Variants in TP53TG5 observed in about 807,000 individuals in gnomAD.
TP53TG5 encodes the protein TP53-target gene 5 protein.
A neutral mutation model predicts 30.0 loss-of-function variants in TP53TG5; 17 were observed. The ratio of observed to expected loss-of-function variants is 0.57; its 90% CI spans 0.39 to 0.85. TP53TG5 has a LOEUF of 0.85. TP53TG5 is among the 40% of genes least tolerant of loss of function. The probability of loss-of-function intolerance (pLI) is 0.00; values close to 1 mark genes in which losing one functional copy is unlikely to be tolerated. For missense variants in TP53TG5, 338 were observed against 367.9 expected, an observed-to-expected ratio of 0.92 and a Z score of 0.67; for synonymous variants, 137 against 139.2, an observed-to-expected ratio of 0.98 and a Z score of 0.11.
chr20:45,376,686 CCAAT>C (rs1263657100), intron 3 of TP53TG5: 2 of 151,296 alleles, frequency 1.3e-5, no homozygotes, highest in Non-Finnish European at 2.9e-5. Context: ...TTAGCAGGCA[CCAAT>C]CAATGTTAGC....
At chr20:45,374,910 G>C in intron 4 of TP53TG5, 129 bp downstream of exon 4, 1 of 1,300,550 alleles carries the variant, frequency 7.7e-7, no homozygotes, top group Admixed American at 2.3e-5. Context: ...TGAAGGCGGA[G>C]CCTCCCAGCA....
intron 4 of TP53TG5, 189 bp from the exon 5 acceptor site, chr20:45,374,200 A>G (rs1323604087): frequency 4.5e-6 from 3 of 673,314 alleles, no homozygotes; most frequent in Non-Finnish European, 8.0e-6. Context: ...TGGGACTTTC[A>G]TTCTCCCACG....
Position 45,373,564 on chromosome 20 carries a change from A to C in TP53TG5, c.*343T>G. On this transcript the variant is annotated 3_prime_UTR_variant, in exon 5 of 5. Transcript: ENST00000372726. ...GGAGCCCTTGCTCCTGCCACTTTCT[A>C]GCTGAGTGAGCCTGGGCAAGTTACT... is the stretch of plus-strand genomic sequence containing the variant. The C allele has an allele frequency of 2.9e-6, 1 of 345,392 alleles. No individual in the cohort carries two copies. The allele number at this position is 345,392 out of a possible 1,614,324, so 21.4% of individuals were successfully genotyped here.
At chr20:45,377,496 T>G in intron 2 of TP53TG5, 43 bp downstream of exon 2, 1 of 1,611,992 alleles carries the variant, frequency 6.2e-7, no homozygotes, top group South Asian at 1.1e-5. Context: ...ACTGCATGAG[T>G]ATATGAGCTT....
intron 3 of TP53TG5, 111 bp downstream of exon 3, chr20:45,377,100 CT>C (rs1217577955): frequency 7.2e-7 from 1 of 1,392,640 alleles, no homozygotes; most frequent in Non-Finnish European, 9.8e-7. Context: ...ATAAATACCT[CT>C]CTCACAGAGG....
rs1988792298 is a variant in TP53TG5 at position 45,378,311 on chromosome 20, G to A, written c.-75C>T. Reference sequence around the variant, plus strand: ...CACCAACCCTGTTCCTCTCAGTTCAGCCAGCACTCAGGCTGGGCATCAGAT... The same window carrying A: ...CACCAACCCTGTTCCTCTCAGTTCAACCAGCACTCAGGCTGGGCATCAGAT... On this transcript the variant is annotated 5_prime_UTR_variant, in exon 1 of 5. Coordinates refer to ENST00000372726, the MANE Select transcript of TP53TG5 (RefSeq NM_014477.3). 6.2e-6 allele frequency: 10 copies of A among 1,607,928 alleles called. No homozygotes were observed. The South Asian group carries it at 1.1e-4, about 18-fold the overall frequency.
Position 45,372,783 on chromosome 20 carries a change from G to A in TP53TG5, c.*1124C>T, listed in dbSNP as rs1988593653. On this transcript the variant is annotated 3_prime_UTR_variant, in exon 5 of 5. Transcript: ENST00000372726. ...AGGGGAGCTCCAGGAAGATTGCGCT[G>A]GGAGCAGGAGCTCGGGAGCACGCAG... is the stretch of plus-strand genomic sequence containing the variant. 6.6e-6 allele frequency: 1 copy of A among 152,218 alleles called. No homozygotes were observed. The highest frequency in any genetic ancestry group is 1.5e-5 in the Non-Finnish European group (1 of 68,106). The allele number at this position is 152,218 out of a possible 1,614,324, so 9.4% of individuals were successfully genotyped here.
chr20:45,373,952 C>G lies in TP53TG5; in HGVS notation c.828G>C (p.Gln276His), dbSNP rs1417748940. ...TTCGCCACCCATTCCTCCCCTTCAG[C>G]TGATGGCGCGATCTCCACCCTCTGC... ...GASRGWRSRH[Q>H]LKGRNGWRNS... The change falls in exon 5 of 5, where the codon CAG becomes CAC. Residue 276 changes from glutamine to histidine, a missense_variant. Transcript: ENST00000372726. 1 of 1,614,124 alleles carries G rather than the reference C, an allele frequency of 6.2e-7. No homozygotes were observed. Among genetic ancestry groups the G allele is most frequent in the African/African-American group, 1.3e-5 (1 of 75,032 alleles).
chr20:45,375,323 T>G lies in TP53TG5; in HGVS notation c.484A>C (p.Thr162Pro). Residue 162 changes from threonine (T) to proline (P), a missense_variant, in exon 4 of 5, where the codon ACA becomes CCA. Thr to Pro is a conservative substitution (Grantham distance 38). Coordinates refer to ENST00000372726, the MANE Select transcript of TP53TG5 (RefSeq NM_014477.3). ...GGGTTCAAGCTATCATCCCTCGATG[T>G]CCTTGGAACCTCAGGCTCTATATGC... ...EKHIEPEVPR[T>P]SRDDSLNPGV... The G allele has an allele frequency of 6.2e-7, 1 of 1,614,154 alleles. No homozygotes were observed. The highest frequency in any genetic ancestry group is 8.5e-7 in the Non-Finnish European group (1 of 1,180,036).
At position 45,375,269 on chromosome 20, in the gene TP53TG5, C is replaced by CGGTG; in HGVS notation, c.534_537dup (p.Glu180HisfsTer10). 1 of 1,614,154 alleles carries CGGTG rather than the reference C, an allele frequency of 6.2e-7. No homozygotes were observed. Among genetic ancestry groups the CGGTG allele is most frequent in the Non-Finnish European group, 8.5e-7 (1 of 1,180,022 alleles). On this transcript the variant is annotated frameshift_variant, in exon 4 of 5. Coordinates refer to ENST00000372726, the MANE Select transcript of TP53TG5 (RefSeq NM_014477.3). LOFTEE classifies it high-confidence loss of function. ...TTAATGAAGATGACTCGGGGGCCCT[C>CGGTG]GGTGAGTGGTTGCCTCCCCTGGACT...
In TP53TG5 at chr20:45,373,161, C is replaced by T. The variant is rs1463510654; in HGVS notation, c.*746G>A. On this transcript the variant is annotated 3_prime_UTR_variant, in exon 5 of 5. Transcript: ENST00000372726. ...CCTCTCCCCAACGGCATGGTTAGGACCCTGTGACTCCTACCGACAGAGGGT... is the reference window on the plus strand; with the variant it reads ...CCTCTCCCCAACGGCATGGTTAGGATCCTGTGACTCCTACCGACAGAGGGT... 1 of 152,502 alleles carries T rather than the reference C, an allele frequency of 6.6e-6. No individual in the cohort carries two copies. The highest frequency in any genetic ancestry group is 1.5e-5 in the Non-Finnish European group (1 of 68,298). The allele number at this position is 152,502 out of a possible 1,614,324, so 9.4% of individuals were successfully genotyped here.
chr20:45,377,187 TTA>T, intron 3 of TP53TG5, 23 bp downstream of exon 3: 1 of 1,612,170 alleles, frequency 6.2e-7, no homozygotes, highest in Non-Finnish European at 8.5e-7. Flanking sequence ...TTTGGGTCCA[TTA>T]TGGGGGCCAG....
Position 45,373,670 on chromosome 20 carries a change from G to T in TP53TG5, c.*237C>A. ...CTTTGCACCCAGGAAGCACACGAGC[G>T]CCCTGACTTCACAGAGCGCGCCACT... On this transcript the variant is annotated 3_prime_UTR_variant, in exon 5 of 5. Transcript: ENST00000372726. 3.6e-6 allele frequency: 2 copies of T among 560,280 alleles called. No homozygotes were observed. Among genetic ancestry groups the T allele is most frequent in the East Asian group, 5.8e-5 (2 of 34,736 alleles). 34.7% of individuals were successfully genotyped at this position (560,280 alleles called of 1,614,324 possible).
Position 45,373,040 on chromosome 20 carries a change from GCT to G in TP53TG5, c.*865_*866del, listed in dbSNP as rs886497398. The G allele has an allele frequency of 6.6e-6, 1 of 152,316 alleles. No individual in the cohort carries two copies. Among genetic ancestry groups the G allele is most frequent in the Non-Finnish European group, 1.5e-5 (1 of 68,122 alleles). The allele number at this position is 152,316 out of a possible 1,614,324, so 9.4% of individuals were successfully genotyped here. ...CCGGAGAGCTCTGTGCCCCTCGATGGCTCCACTGCTCTCCCGAGGGCGCCCAC... is the reference window on the plus strand; with the variant it reads ...CCGGAGAGCTCTGTGCCCCTCGATGGCCACTGCTCTCCCGAGGGCGCCCAC... On this transcript the variant is annotated 3_prime_UTR_variant, in exon 5 of 5. Coordinates refer to ENST00000372726, the MANE Select transcript of TP53TG5 (RefSeq NM_014477.3).
In TP53TG5 at chr20:45,377,556, G is replaced by A. The variant is rs377271938; in HGVS notation, c.106C>T (p.Arg36Trp). 7.4e-5 allele frequency: 119 copies of A among 1,613,938 alleles called. No homozygotes were observed. Among genetic ancestry groups the A allele is most frequent in the South Asian group, 6.5e-4 (59 of 91,062 alleles). ...TEQPVSKVIE[R>W]NRLRTVLKNL... ...CGTCTCACCGTTCTCAGACGGTTCC[G>A]CTCAATTACTTTGCTCACAGGCTGC... Residue 36 changes from arginine to tryptophan, a missense_variant, in exon 2 of 5, where the codon CGG becomes TGG. Arg to Trp is a moderately radical substitution (Grantham distance 101, BLOSUM62 -3). Transcript: ENST00000372726.
chr20:45,373,903 G>T lies in TP53TG5; in HGVS notation c.*4C>A. 1 of 1,613,288 alleles carries T rather than the reference G, an allele frequency of 6.2e-7. No homozygotes were observed. Among genetic ancestry groups the T allele is most frequent in the Middle Eastern group, 1.7e-4 (1 of 6,058 alleles). ...TATTCGTCTTAGGTGCCATATGGAA[G>T]ATCTTATTTGTAGACTCGTGAATTT... On this transcript the variant is annotated 3_prime_UTR_variant, in exon 5 of 5. Transcript: ENST00000372726.
At chr20:45,376,940 G>A (rs188455355) in intron 3 of TP53TG5, 21 of 377,258 alleles carry the variant, frequency 5.6e-5, no homozygotes, top group African/African-American at 3.9e-4. Flanking sequence ...ACCACAACTG[G>A]ATGATTACAA....
chr20:45,374,636 T>A, intron 4 of TP53TG5: 1 of 437,092 alleles, frequency 2.3e-6, no homozygotes, highest in South Asian at 4.9e-5. Flanking sequence ...TGAATTGATC[T>A]TAGAGGGAAT....
intron 4 of TP53TG5, chr20:45,374,723 C>G: frequency 2.2e-6 from 1 of 454,742 alleles, no homozygotes; most frequent in Non-Finnish European, 3.9e-6. Context: ...ATGTAGGCCT[C>G]TGACTGTGAG....
Sources: gnomAD v4.1 joint callset for allele counts on GRCh38, gnomAD v4.1.1 for gene constraint, MANE v1.5 for transcripts, NCBI Gene and HGNC (gene_info 2026-07-23, HGNC 2026-07-21) for gene names.